The following RSL24D1 variants were observed in gnomAD, a reference collection of about 807,000 sequenced individuals.
The protein encoded by RSL24D1 is ribosomal L24 domain containing 1.
Under a neutral mutation model 26.2 loss-of-function variants are expected in RSL24D1, and 6 were observed. The observed-to-expected ratio is 0.23, with a 90% CI of 0.13 to 0.45. The LOEUF is 0.45. Ranked by LOEUF, RSL24D1 falls within the 20% of genes least tolerant of loss-of-function variation. The pLI is 0.99. For missense variants in RSL24D1, 176 were observed against 202.6 expected (o/e 0.87, Z 0.80); for synonymous variants, 61 against 59.1 (o/e 1.03, Z -0.15).
intron 3 of RSL24D1, among the ~76,000 whole-genome samples, chr15:55,190,197 G>T (rs903031877): frequency 7.0e-6 from 1 of 142,956 alleles, no homozygotes; most frequent in East Asian, 2.1e-4. Context: ...GCAGTGAGCC[G>T]AGATCGTGCC....
At chr15:55,183,499 G>T in intron 4 of RSL24D1, 99 bp from the exon 5 acceptor site, 1 of 789,192 alleles carries the variant, frequency 1.3e-6, no homozygotes, top group Non-Finnish European at 2.1e-6. Flanking sequence ...ACTTAAGTTA[G>T]CCCCACAGAT....
intron 5 of RSL24D1, among the ~76,000 whole-genome samples, chr15:55,182,733 A>T (rs1004828305): frequency 3.5e-5 from 5 of 143,758 alleles, no homozygotes; most frequent in African/African-American, 1.3e-4. Flanking sequence ...GTACAAAAAT[A>T]ATACAAGTAG....
chr15:55,183,179 T>A, intron 5 of RSL24D1, 136 bp downstream of exon 5: 3 of 610,022 alleles, frequency 4.9e-6, no homozygotes, highest in Non-Finnish European at 8.4e-6. Flanking sequence ...ATACACTGAA[T>A]AAATTACATT....
At chr15:55,185,474 T>G in intron 3 of RSL24D1, 49 bp from the exon 4 acceptor site, 1 of 1,331,620 alleles carries the variant, frequency 7.5e-7, no homozygotes, top group South Asian at 1.3e-5. Context: ...TCAAGCGGTA[T>G]GATCAACAAC....
chr15:55,194,784 C>T (rs1274277383), intron 1 of RSL24D1, among the ~76,000 whole-genome samples: 1 of 146,822 alleles, frequency 6.8e-6, no homozygotes, highest in East Asian at 2.0e-4. Context: ...GCCTGGGAAA[C>T]ATAGCAAGCC....
chr15:55,195,933 C>G (rs1894350544), intron 1 of RSL24D1, among the ~76,000 whole-genome samples: 1 of 152,170 alleles, frequency 6.6e-6, no homozygotes, highest in Admixed American at 6.5e-5. Context: ...AAGATTCCAA[C>G]TCAATAGATC....
chr15:55,183,486 GTTAC>G (rs1894192021), intron 4 of RSL24D1, 86 bp from the exon 5 acceptor site: 1 of 891,362 alleles, frequency 1.1e-6, no homozygotes, highest in African/African-American at 1.7e-5. Flanking sequence ...TCTAAATTTT[GTTAC>G]TTAAGTTAGC....
chr15:55,189,979 G>A (rs1894274907), intron 3 of RSL24D1, among the ~76,000 whole-genome samples: 1 of 152,194 alleles, frequency 6.6e-6, no homozygotes, highest in Admixed American at 6.5e-5. Context: ...CAGGCATGGT[G>A]GCTCACGCCT....
At chr15:55,193,915 T>TA (rs1894326738) in intron 1 of RSL24D1, among the ~76,000 whole-genome samples, 1 of 152,150 alleles carries the variant, frequency 6.6e-6, no homozygotes, top group South Asian at 2.1e-4. Flanking sequence ...AAATCATAAA[T>TA]AAAAAATGAA....
Position 55,182,179 on chromosome 15 carries a change from C to G in RSL24D1, c.465G>C (p.Glu155Asp), listed in dbSNP as rs750572411. The change falls in exon 6 of 6, where the codon GAG (glutamate) becomes GAC (aspartate). Residue 155 changes from glutamate to aspartate, a missense_variant. Transcript: ENST00000260443. Reference protein sequence around the residue: ...LEEKMVQQLQEDVDMEDAP With the variant: ...LEEKMVQQLQDDVDMEDAP The stretch of plus-strand genomic sequence containing the variant: ...AAGGAGCATCTTCCATGTCCACATC[C>G]TCTTGTAACTGCTGTACCATTTTCT... 1.2e-6 allele frequency: 2 copies of G among 1,608,912 alleles called. No individual in the cohort carries two copies. Among genetic ancestry groups the G allele is most frequent in the Non-Finnish European group, 1.7e-6 (2 of 1,175,786 alleles).
At chr15:55,183,142 T>C (rs896003621) in intron 5 of RSL24D1, among the ~76,000 whole-genome samples, 173 bp downstream of exon 5, 4 of 152,176 alleles carry the variant, frequency 2.6e-5, no homozygotes, top group African/African-American at 9.7e-5. Context: ...AGAAACACCA[T>C]ATAAATAGAC....
chr15:55,186,882 T>C (rs913206210), intron 3 of RSL24D1, among the ~76,000 whole-genome samples: 11 of 152,154 alleles, frequency 7.2e-5, no homozygotes, highest in African/African-American at 2.4e-4. Flanking sequence ...CAGAAAAATA[T>C]ACACTAAAGG....
At position 55,180,991 on chromosome 15, in the gene RSL24D1, G is replaced by A. The variant is rs1271025125; in HGVS notation, c.*1161C>T. 1 of 151,812 alleles carries A rather than the reference G, an allele frequency of 6.6e-6. No homozygotes were observed. Among genetic ancestry groups the A allele is most frequent in the Non-Finnish European group, 1.5e-5 (1 of 67,960 alleles). 9.4% of individuals were successfully genotyped at this position (151,812 alleles called of 1,614,324 possible). On this transcript the variant is annotated 3_prime_UTR_variant, in exon 6 of 6. Transcript: ENST00000260443. ...TCAGGTCTCCTAACACTTGGTCCAG[G>A]GACTGGTCTACAGCCTTAGTTTTAC...
chr15:55,189,008 A>C (rs1048436560), intron 3 of RSL24D1, among the ~76,000 whole-genome samples: 2 of 152,138 alleles, frequency 1.3e-5, no homozygotes, highest in Non-Finnish European at 2.9e-5. Context: ...CCTGGGCAAC[A>C]TGGTGAAACC....
intron 2 of RSL24D1, among the ~76,000 whole-genome samples, chr15:55,192,238 T>A (rs1894305307): frequency 6.6e-6 from 1 of 152,118 alleles, no homozygotes; most frequent in South Asian, 2.1e-4. Flanking sequence ...TTTTATCAAT[T>A]CAATATAACA....
At chr15:55,184,534 CACA>C (rs1272406791) in intron 4 of RSL24D1, among the ~76,000 whole-genome samples, 2 of 152,106 alleles carry the variant, frequency 1.3e-5, no homozygotes, top group East Asian at 1.9e-4. Context: ...TGGCAACAAT[CACA>C]ACAATAGTAG....
chr15:55,195,921 C>A (rs1314317886), intron 1 of RSL24D1, among the ~76,000 whole-genome samples: 1 of 152,150 alleles, frequency 6.6e-6, no homozygotes, highest in Admixed American at 6.5e-5. Flanking sequence ...TCCCCTCCCC[C>A]AAAGATTCCA....
At position 55,191,110 on chromosome 15, in the gene RSL24D1, T is replaced by C. The variant is rs905250558; in HGVS notation, c.196-63A>G. On this transcript the variant is annotated intron_variant, in intron 2 of 5. Coordinates refer to ENST00000260443, the MANE Select transcript of RSL24D1 (RefSeq NM_016304.3). ...AAGAAAGGTAGAAAGGAAACATTTC[T>C]TAAAACGTCTTCCTTTTCCTAAGTG... 1.5e-4 allele frequency: 172 copies of C among 1,124,890 alleles called. 1 individual carries two copies. Among genetic ancestry groups the C allele is most frequent in the Non-Finnish European group, 2.2e-5 (17 of 775,788 alleles). The allele number at this position is 1,124,890 out of a possible 1,614,324, so 69.7% of individuals were successfully genotyped here. A position where few individuals can be genotyped will look rare whatever the true frequency, so the allele number is the denominator to read the frequency against.
chr15:55,185,462 A>T, intron 3 of RSL24D1, 37 bp from the exon 4 acceptor site: 1 of 1,462,466 alleles, frequency 6.8e-7, no homozygotes, highest in Non-Finnish European at 9.5e-7. Context: ...ATGTATGCAC[A>T]TTCAAGCGGT....
Sources: gnomAD v4.1 joint callset for allele counts (sites outside exome capture counted in the v4.1 genomes callset) on GRCh38, gnomAD v4.1.1 for gene constraint, MANE v1.5 for transcripts, NCBI Gene and HGNC (gene_info 2026-07-23, HGNC 2026-07-21) for gene names.